FHIT: variants seen among roughly 807,000 people sequenced by gnomAD.
FHIT encodes bis(5'-adenosyl)-triphosphatase.
Under a neutral mutation model 17.9 loss-of-function variants are expected in FHIT, and 19 were observed. That is an observed-to-expected ratio of 1.06 (90% CI 0.74 to 1.56). The LOEUF (loss-of-function observed/expected upper bound fraction) is 1.56. FHIT is among the 40% of genes most tolerant of loss of function. The probability of loss-of-function intolerance (pLI) is 0.00; values close to 1 mark genes in which losing one functional copy is unlikely to be tolerated. For synonymous variants in FHIT, 81 were observed against 69.7 expected, an observed-to-expected ratio of 1.16 and a Z score of -0.81; for missense variants, 248 against 189.2, an observed-to-expected ratio of 1.31 and a Z score of -1.82.
chr3:60,046,429 A>T (rs1317792445), intron 5 of FHIT, among the ~76,000 whole-genome samples: 1 of 152,232 alleles, frequency 6.6e-6, no homozygotes, highest in African/African-American at 2.4e-5. Flanking sequence ...CGGTGTTTAC[A>T]AGCTGGAATT....
At chr3:60,124,003 T>TAGAG (rs1559653641) in intron 5 of FHIT, among the ~76,000 whole-genome samples, 27 of 24,588 alleles carry the variant, frequency 1.1e-3, no homozygotes, top group Non-Finnish European at 1.6e-3. Context: ...TATATATATA[T>TAGAG]ATATATAGAG....
intron 5 of FHIT, among the ~76,000 whole-genome samples, chr3:60,105,304 C>T (rs1704360788): frequency 6.6e-6 from 1 of 152,176 alleles, no homozygotes; most frequent in South Asian, 2.1e-4. Context: ...TGTTACTCTA[C>T]AGGACTTAGA....
intron 8 of FHIT, among the ~76,000 whole-genome samples, chr3:59,850,647 CTTTA>C (rs1276654305): frequency 6.6e-6 from 1 of 152,142 alleles, no homozygotes; most frequent in Non-Finnish European, 1.5e-5. Flanking sequence ...CCCCAAGGAA[CTTTA>C]TTTAAGATAT....
chr3:60,776,329 C>T (rs1047843770), intron 4 of FHIT, among the ~76,000 whole-genome samples: 1 of 152,138 alleles, frequency 6.6e-6, no homozygotes, highest in African/African-American at 2.4e-5. Context: ...CAAGAGAACT[C>T]TAATTAATAC....
chr3:60,366,658 C>G (rs1700118157), intron 5 of FHIT, among the ~76,000 whole-genome samples: 1 of 152,186 alleles, frequency 6.6e-6, no homozygotes, highest in African/African-American at 2.4e-5. Flanking sequence ...TTCTCTTGCC[C>G]TTCTGCCGTC....
intron 1 of FHIT, among the ~76,000 whole-genome samples, chr3:61,202,159 G>A (rs1446831813): frequency 3.3e-5 from 5 of 152,112 alleles, no homozygotes; most frequent in African/African-American, 9.6e-5. Flanking sequence ...AGTGAGAAGC[G>A]CCTCTGCTCA....
intron 4 of FHIT, among the ~76,000 whole-genome samples, chr3:60,715,367 A>C (rs1466649941): frequency 6.6e-6 from 1 of 152,118 alleles, no homozygotes; most frequent in Non-Finnish European, 1.5e-5. Flanking sequence ...CTTGGAACCA[A>C]CCAAAATGTC....
intron 2 of FHIT, among the ~76,000 whole-genome samples, chr3:61,044,338 A>G (rs2033678786): frequency 1.3e-5 from 2 of 152,204 alleles, no homozygotes. Context: ...TGACACATGC[A>G]CAAGTTTCGG....
chr3:60,448,336 A>G (rs7632784), intron 5 of FHIT, among the ~76,000 whole-genome samples: 6,131 of 152,288 alleles, frequency 0.04, 400 homozygotes, highest in African/African-American at 0.14. Context: ...AAAAAAAATC[A>G]CACAAAAAAA....
chr3:60,432,356 G>C lies in FHIT; in HGVS notation c.103+104504C>G, dbSNP rs191519961. Among the ~76,000 whole-genome samples the C allele has an allele frequency of 4.6e-5, 7 of 152,136 alleles. No individual in the cohort carries two copies. In the East Asian group the frequency reaches 1.4e-3, roughly 30 times the overall value. ...ACTCAACATTCAACATCCAATAAAT[G>C]AGTGTTGGACCTAATCTAGATAGCT... On this transcript the variant is annotated intron_variant, in intron 5 of 9. Transcript: ENST00000492590.
At chr3:60,794,539 T>C (rs1270104534) in intron 4 of FHIT, among the ~76,000 whole-genome samples, 1 of 152,204 alleles carries the variant, frequency 6.6e-6, no homozygotes, top group Non-Finnish European at 1.5e-5. Context: ...GATATATAGC[T>C]ATTTATGGAT....
chr3:60,696,133 AGAAG>A (rs1210421718), intron 4 of FHIT, among the ~76,000 whole-genome samples: 4 of 152,012 alleles, frequency 2.6e-5, no homozygotes, highest in Admixed American at 6.6e-5. Context: ...AAGGAAGGAA[AGAAG>A]GAAGGAAGGA....
At chr3:61,177,903 G>A (rs1313530870) in intron 2 of FHIT, among the ~76,000 whole-genome samples, 2 of 151,956 alleles carry the variant, frequency 1.3e-5, no homozygotes, top group Non-Finnish European at 2.9e-5. Context: ...AATGATACCA[G>A]GTTTGCTCCA....
intron 8 of FHIT, among the ~76,000 whole-genome samples, chr3:59,860,613 A>G (rs17363144): frequency 0.011 from 1,677 of 152,328 alleles, 13 homozygotes; most frequent in Non-Finnish European, 0.016. Context: ...GAAAAGTATG[A>G]GACTGACTGG....
chr3:60,508,356 A>G (rs1442159161), intron 5 of FHIT, among the ~76,000 whole-genome samples: 2 of 152,204 alleles, frequency 1.3e-5, no homozygotes, highest in African/African-American at 4.8e-5. Context: ...TGGATTATGA[A>G]TTTGACTTAA....
intron 2 of FHIT, among the ~76,000 whole-genome samples, chr3:61,094,327 C>T (rs534527781): frequency 2.5e-4 from 38 of 152,270 alleles, no homozygotes; most frequent in African/African-American, 9.1e-4. Flanking sequence ...TCTGCCTCTG[C>T]CACTTACTGT....
chr3:60,586,602 C>A lies in FHIT; in HGVS notation c.-17-49623G>T, dbSNP rs1463321347. On this transcript the variant is annotated intron_variant, in intron 4 of 9. Transcript: ENST00000492590. Reference sequence around the variant, plus strand: ...ACATGGAATCAACCTAAATGCCCAGCAATGATAGACTGAATAAAGAAAATG... The same window carrying A: ...ACATGGAATCAACCTAAATGCCCAGAAATGATAGACTGAATAAAGAAAATG... Among the ~76,000 whole-genome samples the A allele has an allele frequency of 7.2e-5, 11 of 151,974 alleles. No homozygotes were observed. The East Asian group carries it at 2.1e-3, about 30-fold the overall frequency.
chr3:59,822,501 GTAAGGTAGTATCA>G (rs1700831207), intron 8 of FHIT, among the ~76,000 whole-genome samples: 2 of 152,032 alleles, frequency 1.3e-5, no homozygotes, highest in African/African-American at 4.8e-5. Context: ...TCTTGCAGGA[GTAAGGTAGTATCA>G]TATTGTGGTT....
At chr3:60,903,856 C>A (rs1023058661) in intron 3 of FHIT, among the ~76,000 whole-genome samples, 2 of 152,152 alleles carry the variant, frequency 1.3e-5, no homozygotes, top group African/African-American at 4.8e-5. Flanking sequence ...TAGCCTATAT[C>A]CTCTGGAGGA....
Sources: gnomAD v4.1 joint callset for allele counts (sites outside exome capture counted in the v4.1 genomes callset) on GRCh38, gnomAD v4.1.1 for gene constraint, MANE v1.5 for transcripts, NCBI Gene and HGNC (gene_info 2026-07-23, HGNC 2026-07-21) for gene names.